Variants in RBM19 observed in about 807,000 individuals in gnomAD.
RBM19 encodes the protein probable RNA-binding protein 19.
In RBM19, 94 loss-of-function variants were observed where a neutral mutation model predicts 116.8. The observed-to-expected ratio is 0.80, with a 90% confidence interval of 0.68 to 0.95. RBM19 has a LOEUF of 0.95. Among genes scored for constraint, RBM19 ranks in the 40% least tolerant of loss-of-function variants. The pLI is 0.00. For missense variants in RBM19, 1,161 were observed against 1,220.7 expected (o/e 0.95, Z 0.73); for synonymous variants, 475 against 494.1 (o/e 0.96, Z 0.51).
intron 23 of RBM19, among the ~76,000 whole-genome samples, chr12:113,834,660 A>G (rs1287300557): frequency 1.3e-5 from 2 of 152,188 alleles, no homozygotes; most frequent in Non-Finnish European, 2.9e-5. Flanking sequence ...GTGGTTTGCA[A>G]CTGCTGCTGT....
intron 21 of RBM19, among the ~76,000 whole-genome samples, chr12:113,882,441 C>CT (rs1244895564): frequency 6.6e-6 from 1 of 151,832 alleles, no homozygotes; most frequent in Non-Finnish European, 1.5e-5. Context: ...CACCAGAATT[C>CT]TGTGTTCTAG....
chr12:113,920,559 C>G, intron 19 of RBM19, 52 bp downstream of exon 19: 1 of 1,515,812 alleles, frequency 6.6e-7, no homozygotes. Flanking sequence ...ACGGGACCTC[C>G]CACTACCTGC....
intron 21 of RBM19, among the ~76,000 whole-genome samples, chr12:113,882,795 A>G (rs1880241569): frequency 6.6e-6 from 1 of 152,256 alleles, no homozygotes; most frequent in Admixed American, 6.5e-5. Flanking sequence ...GCTCCCTGGC[A>G]GGTACCCTCA....
In RBM19 at chr12:113,947,385, GA is replaced by G. The variant is rs1871117539; in HGVS notation, c.1355del (p.Phe452SerfsTer6). Reference protein sequence around the residue: ...PKGFAFITFMFPEHAVKAYSE... With the variant: ...PKGFAFITFMXPEHAVKAYSE... ...AGTAGGCCTTCACAGCGTGCTCAGGGAACATGAAGGTGATGAATGCAAAACC... is the reference window on the plus strand; with the variant it reads ...AGTAGGCCTTCACAGCGTGCTCAGGGACATGAAGGTGATGAATGCAAAACC... On this transcript the variant is annotated frameshift_variant, in exon 11 of 24. Coordinates refer to ENST00000261741, the MANE Select transcript of RBM19 (RefSeq NM_016196.4). LOFTEE classifies it high-confidence loss of function. 1 of 1,611,328 alleles carries G rather than the reference GA, an allele frequency of 6.2e-7. No homozygotes were observed. Among genetic ancestry groups the G allele is most frequent in the South Asian group, 1.1e-5 (1 of 90,986 alleles).
intron 21 of RBM19, among the ~76,000 whole-genome samples, chr12:113,871,426 C>T (rs1357066993): frequency 6.6e-6 from 1 of 152,278 alleles, no homozygotes; most frequent in East Asian, 1.9e-4. Context: ...CTAGCAGCCA[C>T]GAATTAGACC....
chr12:113,953,997 A>G (rs1871691168), intron 7 of RBM19, among the ~76,000 whole-genome samples: 1 of 152,268 alleles, frequency 6.6e-6, no homozygotes, highest in Non-Finnish European at 1.5e-5. Context: ...TTATAACAGC[A>G]AAAAATTGGA....
chr12:113,921,133 C>A (rs547221764), intron 18 of RBM19, among the ~76,000 whole-genome samples: 2 of 152,206 alleles, frequency 1.3e-5, no homozygotes, highest in Non-Finnish European at 2.9e-5. Flanking sequence ...CAGCCAATCA[C>A]ATTCAGTTTC....
intron 21 of RBM19, among the ~76,000 whole-genome samples, chr12:113,860,700 G>A (rs1229043967): frequency 6.6e-6 from 1 of 152,192 alleles, no homozygotes; most frequent in East Asian, 1.9e-4. Flanking sequence ...GACCCCTGGA[G>A]GCTGGGGTGA....
At chr12:113,948,318 G>A (rs1212993308) in intron 10 of RBM19, among the ~76,000 whole-genome samples, 1 of 152,134 alleles carries the variant, frequency 6.6e-6, no homozygotes, top group African/African-American at 2.4e-5. Flanking sequence ...TGGACTACAG[G>A]CCCTCAAGCC....
intron 16 of RBM19, chr12:113,927,507 T>G (rs1593599164): frequency 2.9e-6 from 1 of 346,908 alleles, no homozygotes; most frequent in East Asian, 4.3e-5. Flanking sequence ...CAGCTCACAC[T>G]AATTTGAACT....
chr12:113,963,988 C>A (rs541784274), intron 1 of RBM19, among the ~76,000 whole-genome samples: 30 of 152,368 alleles, frequency 2.0e-4, no homozygotes, highest in South Asian at 2.1e-4. Context: ...GACGAGATAA[C>A]CAACCCTCAC....
intron 16 of RBM19, among the ~76,000 whole-genome samples, chr12:113,932,196 GC>G (rs1276209267): frequency 6.6e-6 from 1 of 152,206 alleles, no homozygotes; most frequent in Non-Finnish European, 1.5e-5. Context: ...CTCAAGTCAT[GC>G]AAACTCTCTG....
Position 113,940,083 on chromosome 12 carries a change from C to G in RBM19, c.1815G>C (p.Glu605Asp). 1 of 1,614,062 alleles carries G rather than the reference C, an allele frequency of 6.2e-7. No homozygotes were observed. Among genetic ancestry groups the G allele is most frequent in the Non-Finnish European group, 8.5e-7 (1 of 1,179,936 alleles). The change falls in exon 15 of 24, where the codon GAG becomes GAC. Residue 605 changes from glutamate to aspartate, a missense_variant. Glu to Asp is a conservative substitution (Grantham distance 45). Coordinates refer to ENST00000261741, the MANE Select transcript of RBM19 (RefSeq NM_016196.4). ...CCAGGCTGCCAAAATGGCCGAAGGT[C>G]TCCTGCAGCTGGGCCGCCAGGGTGC... is the stretch of plus-strand genomic sequence containing the variant. ...PAGTLAAQLQ[E>D]TFGHFGSLGR...
chr12:113,950,027 G>A (rs368113429), intron 9 of RBM19, 56 bp downstream of exon 9: 223 of 1,438,864 alleles, frequency 1.5e-4, no homozygotes, highest in Non-Finnish European at 2.1e-4. Flanking sequence ...TAAAGGAAAT[G>A]AAGGAACGAA....
In RBM19 at chr12:113,937,044, T is replaced by C; in HGVS notation, c.2031A>G (p.Ser677=). Residue 677 remains serine, a synonymous_variant, in exon 16 of 24, where the codon TCA becomes TCG. Coordinates refer to ENST00000261741, the MANE Select transcript of RBM19 (RefSeq NM_016196.4). ...PQKKKLQDTP[S]EPMEKDPAEP... ...CTGCTGGGTCCTTTTCCATGGGTTC[T>C]GAAGGTGTGTCTTGGAGCTTTTTCT... 6.2e-7 allele frequency: 1 copy of C among 1,614,182 alleles called. No individual in the cohort carries two copies. Among genetic ancestry groups the C allele is most frequent in the South Asian group, 1.1e-5 (1 of 91,082 alleles).
intron 23 of RBM19, among the ~76,000 whole-genome samples, chr12:113,831,048 C>A (rs576087203): frequency 6.6e-6 from 1 of 152,186 alleles, no homozygotes; most frequent in Non-Finnish European, 1.5e-5. Context: ...TTCGTATAAA[C>A]GTGCAGCCAT....
At chr12:113,841,422 CTT>C (rs71089416) in intron 23 of RBM19, among the ~76,000 whole-genome samples, 15 of 129,986 alleles carry the variant, frequency 1.2e-4, no homozygotes, top group Admixed American at 2.4e-4. Flanking sequence ...TTTTTCTTTT[CTT>C]TTTTTTTTTT....
At position 113,851,293 on chromosome 12, in the gene RBM19, T is replaced by C. The variant is rs568597994; in HGVS notation, c.2665-6505A>G. Among the ~76,000 whole-genome samples, 9 of 152,306 alleles carry C rather than the reference T, an allele frequency of 5.9e-5. No individual in the cohort carries two copies. In the South Asian group the frequency reaches 1.9e-3, roughly 32 times the overall value. On this transcript the variant is annotated intron_variant, in intron 22 of 23. Transcript: ENST00000261741. The stretch of plus-strand genomic sequence containing the variant: ...GACAAAGAGGCACCTCTCCCTCTCA[T>C]TCATTCATTCCCTAGCTCGCTCAGC...
chr12:113,863,414 G>T (rs115043700), intron 21 of RBM19, among the ~76,000 whole-genome samples: 1 of 152,198 alleles, frequency 6.6e-6, no homozygotes, highest in Non-Finnish European at 1.5e-5. Flanking sequence ...TGAGAGGAAG[G>T]CTGGAGCAGA....
Sources: gnomAD v4.1 joint callset for allele counts (sites outside exome capture counted in the v4.1 genomes callset) on GRCh38, gnomAD v4.1.1 for gene constraint, MANE v1.5 for transcripts, NCBI Gene and HGNC (gene_info 2026-07-23, HGNC 2026-07-21) for gene names.